Variants in VPS13B observed in about 807,000 individuals in gnomAD.
VPS13B encodes the protein vacuolar protein sorting 13 homolog B.
A neutral mutation model predicts 426.4 loss-of-function variants in VPS13B; 285 were observed. The observed-to-expected ratio is 0.67, with a 90% CI of 0.61 to 0.74. VPS13B has a LOEUF of 0.74. Ranked by LOEUF, VPS13B falls within the 30% of genes least tolerant of loss-of-function variation. VPS13B has a pLI of 0.00. For synonymous variants in VPS13B, 1,676 were observed against 1,676.4 expected (o/e 1.00, Z 0.01); for missense variants, 4,537 against 4,782.6 (o/e 0.95, Z 1.51).
At chr8:99,836,117 T>TTAAAA (rs1451803416) in intron 54 of VPS13B, among the ~76,000 whole-genome samples, 2 of 152,132 alleles carry the variant, frequency 1.3e-5, no homozygotes, top group East Asian at 3.8e-4. Context: ...TATGTGTATT[T>TTAAAA]TAAAATTAGT....
At position 99,606,629 on chromosome 8, in the gene VPS13B, CTT is replaced by C. The variant is rs111334743; in HGVS notation, c.5220+29012_5220+29013del. ...TTTGTTTTCTTTTTCTTTTTCTTTT[CTT>C]TTTTTTTTTTTTTTTGAGACGGAGT... On this transcript the variant is annotated intron_variant, in intron 33 of 61. Coordinates refer to ENST00000357162, the MANE Select transcript of VPS13B (RefSeq NM_152564.5). Among the ~76,000 whole-genome samples, 5 of 105,824 alleles carry C rather than the reference CTT, an allele frequency of 4.7e-5. No homozygotes were observed. In the East Asian group the frequency reaches 1.4e-3, roughly 29 times the overall value. The allele number at this position is 105,824 out of a possible 152,430, so 69.4% of individuals were successfully genotyped here.
At chr8:99,297,814 C>T (rs1820127457) in intron 19 of VPS13B, among the ~76,000 whole-genome samples, 1 of 152,170 alleles carries the variant, frequency 6.6e-6, no homozygotes, top group Non-Finnish European at 1.5e-5. Context: ...TGTTTTAAAG[C>T]CATCTTTCTA....
chr8:99,565,142 T>C (rs1825120684), intron 31 of VPS13B, among the ~76,000 whole-genome samples: 1 of 152,196 alleles, frequency 6.6e-6, no homozygotes, highest in Non-Finnish European at 1.5e-5. Flanking sequence ...AATTTTCTCA[T>C]GTATAATATT....
intron 15 of VPS13B, among the ~76,000 whole-genome samples, chr8:99,160,134 G>A (rs1175679902): frequency 6.6e-6 from 1 of 152,052 alleles, no homozygotes; most frequent in Admixed American, 6.5e-5. Flanking sequence ...TATCTCCTGG[G>A]TATGTCCATC....
chr8:99,451,141 A>T (rs895898616), intron 23 of VPS13B, among the ~76,000 whole-genome samples: 2 of 152,172 alleles, frequency 1.3e-5, no homozygotes. Flanking sequence ...TGATTCCAGT[A>T]CACCTTGAAA....
chr8:99,657,005 A>G (rs1830042635), intron 34 of VPS13B, among the ~76,000 whole-genome samples: 1 of 152,190 alleles, frequency 6.6e-6, no homozygotes, highest in Non-Finnish European at 1.5e-5. Context: ...AAAACCCGTT[A>G]TATTAATATT....
chr8:99,743,709 AAAAC>A (rs1216366749), intron 39 of VPS13B, among the ~76,000 whole-genome samples: 1 of 152,222 alleles, frequency 6.6e-6, no homozygotes, highest in East Asian at 1.9e-4. Flanking sequence ...AAACCTGACA[AAAAC>A]AAGCAATGGG....
intron 8 of VPS13B, among the ~76,000 whole-genome samples, chr8:99,125,403 T>G (rs1848147220): frequency 1.3e-5 from 2 of 152,232 alleles, no homozygotes; most frequent in South Asian, 4.1e-4. Context: ...AGCAGCTGAT[T>G]AGATGGTGCC....
intron 3 of VPS13B, among the ~76,000 whole-genome samples, chr8:99,044,996 CAT>C (rs1277818245): frequency 7.1e-6 from 1 of 141,840 alleles, no homozygotes; most frequent in African/African-American, 2.6e-5. Context: ...TTGCTATAAA[CAT>C]GTGTGTGCTT....
intron 30 of VPS13B, chr8:99,527,768 C>CATTATATATAAT (rs1563777491): frequency 6.6e-6 from 1 of 151,922 alleles, no homozygotes; most frequent in African/African-American, 2.4e-5. Context: ...TATAAACAAA[C>CATTATATATAAT]GAGATGAAAA....
intron 35 of VPS13B, among the ~76,000 whole-genome samples, chr8:99,681,699 T>A (rs1831160728): frequency 6.6e-6 from 1 of 152,220 alleles, no homozygotes; most frequent in South Asian, 2.1e-4. Flanking sequence ...ACATAGCAAC[T>A]GTTTGGGAAT....
intron 58 of VPS13B, among the ~76,000 whole-genome samples, chr8:99,863,696 G>A (rs576812216): frequency 1.4e-4 from 22 of 152,304 alleles, no homozygotes; most frequent in African/African-American, 4.8e-4. Flanking sequence ...CTTTCTGGGC[G>A]TGGGTCCTGT....
Position 99,467,596 on chromosome 8 carries a change from G to T in VPS13B, c.3628G>T (p.Asp1210Tyr), listed in dbSNP as rs145417421. Reference sequence around the variant, plus strand: ...TTCATTTGTTGTCTGTCTCCATGTTGACCTAGAGTCACTAGAGATAAAATG... The same window carrying T: ...TTCATTTGTTGTCTGTCTCCATGTTTACCTAGAGTCACTAGAGATAAAATG... ...RHSFVVCLHV[D>Y]LESLEIKCSN... The change falls in exon 24 of 62, where the codon GAC becomes TAC. Residue 1210 changes from aspartate to tyrosine, a missense_variant. Physicochemically the swap from Asp to Tyr is radical, Grantham distance 160 (BLOSUM62 -3). This residue lies in a region of VPS13B where 4,311 missense variants were observed against 4,474.3 expected (regional missense o/e 0.96). Coordinates refer to ENST00000357162, the MANE Select transcript of VPS13B (RefSeq NM_152564.5). 1.2e-5 allele frequency: 19 copies of T among 1,613,102 alleles called. No homozygotes were observed. The highest frequency in any genetic ancestry group is 1.6e-5 in the Non-Finnish European group (19 of 1,179,804).
intron 30 of VPS13B, among the ~76,000 whole-genome samples, chr8:99,530,701 AT>A (rs754125908): frequency 7.4e-4 from 113 of 152,192 alleles, no homozygotes; most frequent in Admixed American, 1.8e-3. Context: ...TGTGTCAAAG[AT>A]TCTGTGCATT....
At chr8:99,628,817 A>G (rs960354661) in intron 33 of VPS13B, among the ~76,000 whole-genome samples, 1 of 151,584 alleles carries the variant, frequency 6.6e-6, no homozygotes, top group African/African-American at 2.4e-5. Flanking sequence ...TCGCTTTGTC[A>G]CCTAGGCTGG....
chr8:99,461,876 G>T (rs192340936), intron 23 of VPS13B, among the ~76,000 whole-genome samples: 231 of 152,100 alleles, frequency 1.5e-3, no homozygotes, highest in African/African-American at 5.1e-3. Flanking sequence ...TTAATAGTTG[G>T]TTATCTTTCT....
chr8:99,221,777 T>C (rs942239056), intron 17 of VPS13B, among the ~76,000 whole-genome samples: 6 of 152,152 alleles, frequency 3.9e-5, no homozygotes, highest in African/African-American at 1.4e-4. Flanking sequence ...ACAACCATCA[T>C]AGCTGACTGC....
intron 19 of VPS13B, among the ~76,000 whole-genome samples, chr8:99,275,954 A>G (rs573046604): frequency 6.6e-6 from 1 of 152,302 alleles, no homozygotes; most frequent in South Asian, 2.1e-4. Context: ...ATTTGTTTTA[A>G]AAGATACGTG....
intron 17 of VPS13B, among the ~76,000 whole-genome samples, chr8:99,257,473 T>C (rs902841957): frequency 2.0e-5 from 3 of 152,174 alleles, no homozygotes; most frequent in African/African-American, 7.2e-5. Flanking sequence ...GAGAATAATC[T>C]GTGCATAGTG....
Sources: gnomAD v4.1 joint callset for allele counts (sites outside exome capture counted in the v4.1 genomes callset) on GRCh38, gnomAD v4.1.1 for gene constraint, gnomAD v4.1.1 regional missense constraint, MANE v1.5 for transcripts, NCBI Gene and HGNC (gene_info 2026-07-23, HGNC 2026-07-21) for gene names.